The following FBXO34 variants were observed in gnomAD, a reference collection of about 807,000 sequenced individuals.
FBXO34 encodes F-box protein 34.
FBXO34 carries 12 observed loss-of-function variants against 24.5 expected under a neutral mutation model. The observed-to-expected ratio is 0.49, with a 90% CI of 0.31 to 0.79. The LOEUF is 0.79. FBXO34 is among the 30% of genes least tolerant of loss of function. The pLI is 0.04. For synonymous variants in FBXO34, 320 were observed against 311.9 expected (o/e 1.03, Z -0.27); for missense variants, 823 against 857.7 (o/e 0.96, Z 0.51).
chr14:55,295,162 A>G (rs1882076109), intron 1 of FBXO34, among the ~76,000 whole-genome samples: 1 of 152,118 alleles, frequency 6.6e-6, no homozygotes, highest in African/African-American at 2.4e-5. Context: ...ACCATCCTAA[A>G]TTGGGAACCT....
At chr14:55,390,184 C>A in the FBXO34 span, among the ~76,000 whole-genome samples, 6 of 152,152 alleles carry the variant, frequency 3.9e-5, no homozygotes, top group Non-Finnish European at 7.3e-5. Context: ...AAGTCTCCTG[C>A]CTCAGCCTCC....
intron 1 of FBXO34, among the ~76,000 whole-genome samples, chr14:55,299,500 AAAAGC>A (rs1882270976): frequency 6.6e-6 from 1 of 152,290 alleles, no homozygotes; most frequent in East Asian, 1.9e-4. Context: ...AATCCAAAAA[AAAAGC>A]AAATTCTAGA....
chr14:55,357,217 A>G (rs1884535167), downstream of FBXO34, among the ~76,000 whole-genome samples: 1 of 152,238 alleles, frequency 6.6e-6, no homozygotes, highest in African/African-American at 2.4e-5. Flanking sequence ...GTAAGGTAGC[A>G]TCACCATTCC....
chr14:55,309,652 T>A (rs1451245704), intron 1 of FBXO34, among the ~76,000 whole-genome samples: 1 of 152,216 alleles, frequency 6.6e-6, no homozygotes, highest in Admixed American at 6.5e-5. Context: ...TTAAAAACAT[T>A]AGTGCATTCA....
chr14:55,427,302 A>G, the FBXO34 span, among the ~76,000 whole-genome samples: 1 of 152,210 alleles, frequency 6.6e-6, no homozygotes, highest in Admixed American at 6.5e-5. Context: ...CTGAAGAAAA[A>G]AGAAAACATA....
chr14:55,274,004 C>T (rs1163520186), intron 1 of FBXO34, among the ~76,000 whole-genome samples: 1 of 152,106 alleles, frequency 6.6e-6, no homozygotes, highest in Non-Finnish European at 1.5e-5. Context: ...CGGGGTTTCA[C>T]TGTGTTGGCC....
chr14:55,305,787 C>T (rs1882524192), intron 1 of FBXO34, among the ~76,000 whole-genome samples: 1 of 152,132 alleles, frequency 6.6e-6, no homozygotes, highest in Non-Finnish European at 1.5e-5. Flanking sequence ...AGGATTTTTC[C>T]CGATCTGAAT....
intron 1 of FBXO34, among the ~76,000 whole-genome samples, chr14:55,338,588 C>T (rs1883873520): frequency 1.3e-5 from 2 of 152,100 alleles, no homozygotes; most frequent in African/African-American, 2.4e-5. Flanking sequence ...CCTTTTATCT[C>T]TAGCTCTACC....
the FBXO34 span, among the ~76,000 whole-genome samples, chr14:55,389,832 A>T: frequency 6.6e-6 from 1 of 152,222 alleles, no homozygotes; most frequent in Non-Finnish European, 1.5e-5. Flanking sequence ...CTTGGGGCAA[A>T]TGGGAAGTGG....
the FBXO34 span, among the ~76,000 whole-genome samples, chr14:55,404,024 G>GAGTT: frequency 6.6e-6 from 1 of 152,160 alleles, no homozygotes; most frequent in Admixed American, 6.5e-5. Flanking sequence ...TGGTCACTGA[G>GAGTT]AGTTATTCTT....
the FBXO34 span, among the ~76,000 whole-genome samples, chr14:55,395,419 C>G: frequency 6.6e-6 from 1 of 152,246 alleles, no homozygotes; most frequent in South Asian, 2.1e-4. Flanking sequence ...GTGGCACGAT[C>G]TTGGCTCACT....
the FBXO34 span, among the ~76,000 whole-genome samples, chr14:55,387,406 T>C: frequency 6.6e-6 from 1 of 152,196 alleles, no homozygotes; most frequent in Admixed American, 6.5e-5. Flanking sequence ...TTCTAAATGT[T>C]TGAATTTTAC....
the FBXO34 span, among the ~76,000 whole-genome samples, chr14:55,389,566 A>T: frequency 1.3e-5 from 2 of 152,224 alleles, no homozygotes; most frequent in African/African-American, 4.8e-5. Context: ...GACAAGAAAA[A>T]GGGATTCACG....
chr14:55,285,629 A>G (rs1257009902), intron 1 of FBXO34: 2 of 152,202 alleles, frequency 1.3e-5, no homozygotes, highest in Admixed American at 6.5e-5. Context: ...GGACATAACT[A>G]GAAGGAGAAC....
At chr14:55,289,681 A>G (rs887985901) in intron 1 of FBXO34, among the ~76,000 whole-genome samples, 3 of 152,150 alleles carry the variant, frequency 2.0e-5, no homozygotes, top group African/African-American at 7.2e-5. Flanking sequence ...GAATACAGGC[A>G]TGCACCACTA....
At position 55,352,518 on chromosome 14, in the gene FBXO34, G is replaced by C. The variant is rs1262704885; in HGVS notation, c.2128G>C (p.Glu710Gln). The stretch of plus-strand genomic sequence containing the variant: ...AGCAAAAGGGACTGAAGCTGAAGAG[G>C]AATACTAAAGTCCATGTGAGAGGCA... ...KKAKGTEAEE[E>Q]Y Residue 710 changes from glutamate (E) to glutamine (Q), a missense_variant, in exon 2 of 2, where the codon GAA (glutamate) becomes CAA (glutamine). Transcript: ENST00000313833. 6.2e-7 allele frequency: 1 copy of C among 1,601,278 alleles called. No homozygotes were observed. The highest frequency in any genetic ancestry group is 1.1e-5 in the South Asian group (1 of 88,982).
At chr14:55,296,539 C>T (rs545064483) in intron 1 of FBXO34, among the ~76,000 whole-genome samples, 26 of 151,590 alleles carry the variant, frequency 1.7e-4, no homozygotes, top group South Asian at 1.0e-3. Flanking sequence ...GAATTACAGG[C>T]GCCTGCCACC....
chr14:55,280,018 C>A (rs1321696270), intron 1 of FBXO34, among the ~76,000 whole-genome samples: 1 of 152,142 alleles, frequency 6.6e-6, no homozygotes, highest in Non-Finnish European at 1.5e-5. Context: ...ATATCTTAAA[C>A]CTCCAGTGTG....
chr14:55,300,890 A>G (rs1172819682), intron 1 of FBXO34, among the ~76,000 whole-genome samples: 4 of 152,348 alleles, frequency 2.6e-5, no homozygotes, highest in South Asian at 4.1e-4. Context: ...TTATATCCCA[A>G]TGAGCATACT....
Sources: allele counts gnomAD v4.1 joint callset (sites outside exome capture counted in the v4.1 genomes callset), GRCh38; gene constraint gnomAD v4.1.1; transcripts MANE v1.5; gene names NCBI Gene and HGNC (gene_info 2026-07-23, HGNC 2026-07-21).